TNNT2: variants seen among roughly 807,000 people sequenced by gnomAD.
The protein encoded by TNNT2 is troponin T, cardiac muscle.
TNNT2 carries 34 observed loss-of-function variants against 62.4 expected under a neutral mutation model. The observed-to-expected ratio is 0.54, with a 90% CI of 0.41 to 0.72. The LOEUF is 0.72. Ranked by LOEUF, TNNT2 falls within the 30% of genes least tolerant of loss-of-function variation. The pLI is 0.00. For missense variants in TNNT2, 275 were observed against 381.9 expected, an observed-to-expected ratio of 0.72 and a Z score of 2.33; for synonymous variants, 123 against 127.2, an observed-to-expected ratio of 0.97 and a Z score of 0.22.
chr1:201,360,950 G>A, intron 15 of TNNT2: 1 of 406,096 alleles, frequency 2.5e-6, no homozygotes, highest in Non-Finnish European at 4.7e-6. Context: ...TTCCACTGGG[G>A]GTCCTGGCTT....
chr1:201,374,264 T>C (rs1661067887), intron 1 of TNNT2: 1 of 13,968 alleles, frequency 7.2e-5, no homozygotes, highest in African/African-American at 1.6e-4. Context: ...CAATGAAAAT[T>C]CCGATTAAAA....
At chr1:201,369,926 G>T in intron 4 of TNNT2, 81 bp from the exon 5 acceptor site, 4 of 1,506,326 alleles carry the variant, frequency 2.7e-6, no homozygotes, top group Non-Finnish European at 3.7e-6. Context: ...GGCAGGAGCA[G>T]CCACCCAGCG....
intron 11 of TNNT2, 104 bp from the exon 12 acceptor site, chr1:201,363,510 C>G (rs1197472334): frequency 9.2e-7 from 1 of 1,085,002 alleles, no homozygotes; most frequent in Admixed American, 1.7e-5. Flanking sequence ...AGCTTTCTCT[C>G]CGCTCAGCAA....
chr1:201,369,714 C>T (rs557241360), intron 5 of TNNT2, 102 bp downstream of exon 5: 35 of 1,460,888 alleles, frequency 2.4e-5, no homozygotes, highest in South Asian at 1.5e-4. Context: ...TCCCTGCCGC[C>T]TACTCACACC....
intron 9 of TNNT2, 143 bp downstream of exon 9, chr1:201,365,467 C>A (rs1025640809): frequency 1.7e-6 from 2 of 1,193,414 alleles, no homozygotes; most frequent in Non-Finnish European, 2.5e-6. Flanking sequence ...GGACCACGCT[C>A]ATGGATGGGC....
intron 11 of TNNT2, chr1:201,363,986 A>C: frequency 2.5e-6 from 1 of 404,878 alleles, no homozygotes; most frequent in Non-Finnish European, 4.6e-6. Context: ...TCCTGGGTTC[A>C]AGCGATTCTC....
chr1:201,364,013 A>G (rs553630911), intron 11 of TNNT2: 1 of 439,940 alleles, frequency 2.3e-6, no homozygotes, highest in East Asian at 4.8e-5. Flanking sequence ...CAGCCTCCTG[A>G]GTAGCTAGGA....
At chr1:201,369,426 G>T (rs988944020) in intron 5 of TNNT2, 2 of 478,238 alleles carry the variant, frequency 4.2e-6, no homozygotes, top group Non-Finnish European at 8.6e-6. Flanking sequence ...CCTGCTTGGT[G>T]CTGTCCAGCT....
chr1:201,361,068 C>G, intron 15 of TNNT2: 1 of 667,224 alleles, frequency 1.5e-6, no homozygotes, highest in Non-Finnish European at 2.7e-6. Flanking sequence ...TCAGCCCCAG[C>G]GAGCTCTCAG....
chr1:201,369,481 A>G (rs1395101161), intron 5 of TNNT2: 2 of 496,052 alleles, frequency 4.0e-6, no homozygotes, highest in African/African-American at 3.9e-5. Flanking sequence ...GCGCGGGGGC[A>G]GGGTGGCGCT....
intron 2 of TNNT2, 85 bp downstream of exon 2, chr1:201,373,129 A>C: frequency 7.3e-7 from 1 of 1,360,590 alleles, no homozygotes; most frequent in Non-Finnish European, 1.1e-6. Flanking sequence ...CCAGAATCCG[A>C]GGGACAGCTG....
At chr1:201,373,714 T>C (rs1231648388) in intron 1 of TNNT2, 4 of 252,342 alleles carry the variant, frequency 1.6e-5, no homozygotes, top group African/African-American at 4.4e-5. Context: ...GCTGGGACTA[T>C]AGTTGTGCAC....
At chr1:201,361,692 A>C (rs767821595) in intron 14 of TNNT2, among the ~76,000 whole-genome samples, 1 of 152,190 alleles carries the variant, frequency 6.6e-6, no homozygotes, top group Non-Finnish European at 1.5e-5. Flanking sequence ...TGAAGCTCAG[A>C]GGGGTGGGGC....
intron 7 of TNNT2, chr1:201,367,255 C>T (rs1386009563): frequency 4.8e-6 from 2 of 414,328 alleles, no homozygotes; most frequent in South Asian, 2.2e-5. Flanking sequence ...TCTTTGTTAC[C>T]CCTTGGACTT....
In TNNT2 at chr1:201,361,273, G is replaced by A. The variant is rs727504260; in HGVS notation, c.810+6C>T. 4.3e-6 allele frequency: 7 copies of A among 1,613,846 alleles called. No individual in the cohort carries two copies. The Admixed American group carries it at 1.2e-4, about 27-fold the overall frequency. ...GATGCTGGGCGGGGACAGCATGGCG[G>A]CCCACCTCATATTTCTGCTGCTTGA... On this transcript the variant is annotated splice_donor_region_variant and intron_variant, in intron 15 of 16. Transcript: ENST00000656932.
intron 7 of TNNT2, 112 bp from the exon 8 acceptor site, chr1:201,366,983 G>A: frequency 6.3e-7 from 1 of 1,577,490 alleles, no homozygotes; most frequent in African/African-American, 1.3e-5. Flanking sequence ...TCTGCACAGT[G>A]AGTCCCTCCC....
intron 5 of TNNT2, 81 bp downstream of exon 5, chr1:201,369,735 C>G: frequency 6.3e-7 from 1 of 1,591,444 alleles, no homozygotes; most frequent in Non-Finnish European, 8.6e-7. Context: ...CCCCAGCCCC[C>G]AGAACAGGGC....
intron 8 of TNNT2, chr1:201,366,288 T>A (rs1367710048): frequency 9.8e-7 from 1 of 1,021,918 alleles, no homozygotes; most frequent in African/African-American, 1.7e-5. Context: ...AGCCTGTGAG[T>A]GGGCAGAGGT....
At position 201,366,217 on chromosome 1, in the gene TNNT2, G is replaced by A. The variant is rs540067603; in HGVS notation, c.234-547C>T. 3,282 of 1,028,152 alleles carry A rather than the reference G, an allele frequency of 3.2e-3. 6 individuals are homozygous for A. The highest frequency in any genetic ancestry group is 3.6e-3 in the Non-Finnish European group (3,039 of 855,390). The allele number at this position is 1,028,152 out of a possible 1,614,324, so 63.7% of individuals were successfully genotyped here. A position where few individuals can be genotyped will look rare whatever the true frequency, so the allele number is the denominator to read the frequency against. On this transcript the variant is annotated intron_variant, in intron 8 of 16. Coordinates refer to ENST00000656932, the MANE Select transcript of TNNT2 (RefSeq NM_001276345.2). ...AGGCCAGGAAGGGGGAAGGCACTGGGCAAATAAATGGATCTGGGATGTCTT... is the reference window on the plus strand; with the variant it reads ...AGGCCAGGAAGGGGGAAGGCACTGGACAAATAAATGGATCTGGGATGTCTT...
Sources: allele counts gnomAD v4.1 joint callset (sites outside exome capture counted in the v4.1 genomes callset), GRCh38; gene constraint gnomAD v4.1.1; transcripts MANE v1.5; gene names NCBI Gene and HGNC (gene_info 2026-07-23, HGNC 2026-07-21).